Variants in DPYD observed in about 807,000 individuals in gnomAD.
DPYD encodes dihydropyrimidine dehydrogenase, also known as dihydropyrimidine dehydrogenase [NADP(+)].
A neutral mutation model predicts 116.2 loss-of-function variants in DPYD; 109 were observed. The observed-to-expected ratio is 0.94, with a 90% confidence interval of 0.80 to 1.10. The LOEUF (loss-of-function observed/expected upper bound fraction) is 1.10. Ranked by LOEUF, DPYD falls within the 50% of genes least tolerant of loss-of-function variation. The probability of loss-of-function intolerance (pLI) is 0.00; values close to 1 mark genes in which losing one functional copy is unlikely to be tolerated. For missense variants in DPYD, 1,302 were observed against 1,254.5 expected, an observed-to-expected ratio of 1.04 and a Z score of -0.57; for synonymous variants, 440 against 432.0, an observed-to-expected ratio of 1.02 and a Z score of -0.23.
intron 13 of DPYD, among the ~76,000 whole-genome samples, chr1:97,475,114 G>T (rs1677879216): frequency 6.6e-6 from 1 of 152,056 alleles, no homozygotes; most frequent in African/African-American, 2.4e-5. Context: ...AAACAGCAGG[G>T]CAATGATTGC....
chr1:97,646,675 A>G (rs1571121920), intron 8 of DPYD, among the ~76,000 whole-genome samples: 1 of 151,832 alleles, frequency 6.6e-6, no homozygotes, highest in East Asian at 1.9e-4. Context: ...AATTTTCTGT[A>G]GTATTTTTCT....
chr1:97,405,557 C>T (rs992534702), intron 14 of DPYD, among the ~76,000 whole-genome samples: 23 of 151,896 alleles, frequency 1.5e-4, no homozygotes, highest in Non-Finnish European at 5.9e-5. Context: ...ACTCTGTTAC[C>T]TAGGCTGGAG....
At chr1:97,113,135 A>G (rs1651723940) in intron 20 of DPYD, among the ~76,000 whole-genome samples, 2 of 152,166 alleles carry the variant, frequency 1.3e-5, no homozygotes, top group Non-Finnish European at 2.9e-5. Flanking sequence ...GTGTGTGCCT[A>G]CTGTGCATAT....
At chr1:97,085,234 T>C (rs1282026880) in intron 21 of DPYD, among the ~76,000 whole-genome samples, 1 of 152,190 alleles carries the variant, frequency 6.6e-6, no homozygotes, top group Non-Finnish European at 1.5e-5. Context: ...AAATCATCAA[T>C]AAATATTCAA....
intron 3 of DPYD, among the ~76,000 whole-genome samples, chr1:97,801,052 A>T (rs574150512): frequency 6.6e-6 from 1 of 151,986 alleles, no homozygotes; most frequent in African/African-American, 2.4e-5. Context: ...TTATGGACTG[A>T]ATGTCTGTGC....
chr1:97,479,928 G>T (rs1490580009), intron 13 of DPYD, among the ~76,000 whole-genome samples: 1 of 152,176 alleles, frequency 6.6e-6, no homozygotes, highest in African/African-American at 2.4e-5. Flanking sequence ...TTCCCTTGCA[G>T]CTGGGAGAGA....
intron 18 of DPYD, among the ~76,000 whole-genome samples, chr1:97,252,474 A>G (rs1293802173): frequency 6.6e-6 from 1 of 152,194 alleles, no homozygotes; most frequent in Non-Finnish European, 1.5e-5. Context: ...TATTGTTGAC[A>G]TAAGTGTCTC....
At chr1:97,713,719 T>C (rs1348817615) in intron 5 of DPYD, among the ~76,000 whole-genome samples, 1 of 152,170 alleles carries the variant, frequency 6.6e-6, no homozygotes, top group African/African-American at 2.4e-5. Context: ...ATATTTATCT[T>C]ATTAGTGCTT....
At chr1:97,601,315 A>G (rs1365400102) in intron 8 of DPYD, among the ~76,000 whole-genome samples, 1 of 152,104 alleles carries the variant, frequency 6.6e-6, no homozygotes, top group Non-Finnish European at 1.5e-5. Flanking sequence ...TTGGTAAAAT[A>G]TAAAAACTAT....
intron 19 of DPYD, among the ~76,000 whole-genome samples, chr1:97,222,304 A>G (rs1660829849): frequency 6.6e-6 from 1 of 152,116 alleles, no homozygotes; most frequent in Non-Finnish European, 1.5e-5. Flanking sequence ...AATTTTCTGT[A>G]GCTATACGCC....
chr1:97,596,982 T>C (rs900103170), intron 8 of DPYD, among the ~76,000 whole-genome samples: 3 of 152,210 alleles, frequency 2.0e-5, no homozygotes, highest in African/African-American at 7.2e-5. Context: ...CCCCCTTTTA[T>C]GACATAAAAA....
intron 2 of DPYD, among the ~76,000 whole-genome samples, chr1:97,844,944 A>G (rs1390399555): frequency 9.8e-5 from 15 of 152,368 alleles, no homozygotes; most frequent in South Asian, 8.3e-4. Context: ...CTGGGTGTGC[A>G]CACATTTGCA....
intron 20 of DPYD, among the ~76,000 whole-genome samples, chr1:97,165,740 C>T (rs1422193540): frequency 1.3e-5 from 2 of 151,928 alleles, no homozygotes; most frequent in African/African-American, 2.4e-5. Flanking sequence ...AAGTAACAAC[C>T]CCTTAATAAG....
chr1:97,920,782 C>T lies in DPYD; in HGVS notation c.39+102G>A. 2.0e-6 allele frequency: 3 copies of T among 1,477,010 alleles called. No individual in the cohort carries two copies. The South Asian group carries it at 3.6e-5, about 18-fold the overall frequency. The allele number at this position is 1,477,010 out of a possible 1,614,324, so 91.5% of individuals were successfully genotyped here. ...ACGGGGGAAACTTTCCCGCGTCTCT[C>T]ACTCTCCGGGGTGCGGGGGCCGCGG... On this transcript the variant is annotated intron_variant, in intron 1 of 22. Transcript: ENST00000370192.
intron 14 of DPYD, among the ~76,000 whole-genome samples, chr1:97,392,540 G>T (rs1275919823): frequency 6.6e-6 from 1 of 151,976 alleles, no homozygotes; most frequent in Non-Finnish European, 1.5e-5. Flanking sequence ...AGCATGTGAT[G>T]CTGTTTCATA....
intron 3 of DPYD, among the ~76,000 whole-genome samples, chr1:97,791,315 C>T (rs1247105857): frequency 2.0e-5 from 3 of 152,158 alleles, no homozygotes; most frequent in Non-Finnish European, 4.4e-5. Flanking sequence ...CACCCAGTCC[C>T]CCAGTTAAGA....
chr1:97,824,428 A>G (rs548129891), intron 3 of DPYD, among the ~76,000 whole-genome samples: 1 of 152,332 alleles, frequency 6.6e-6, no homozygotes, highest in African/African-American at 2.4e-5. Flanking sequence ...AGGGCAGCAC[A>G]GAACAAACCA....
At chr1:97,389,945 A>G (rs1475404979) in intron 14 of DPYD, among the ~76,000 whole-genome samples, 2 of 151,974 alleles carry the variant, frequency 1.3e-5, no homozygotes, top group African/African-American at 4.8e-5. Flanking sequence ...TTAATGGTCA[A>G]CTTTTTTTGT....
intron 19 of DPYD, among the ~76,000 whole-genome samples, chr1:97,215,243 A>G (rs1660300622): frequency 6.6e-6 from 1 of 152,210 alleles, no homozygotes; most frequent in African/African-American, 2.4e-5. Context: ...AGTAAGCCCA[A>G]GGTCATATAG....
Sources: allele counts gnomAD v4.1 joint callset (sites outside exome capture counted in the v4.1 genomes callset), GRCh38; gene constraint gnomAD v4.1.1; transcripts MANE v1.5; gene names NCBI Gene and HGNC (gene_info 2026-07-23, HGNC 2026-07-21).